Variants in C12orf42 observed in about 807,000 individuals in gnomAD.
The protein encoded by C12orf42 is uncharacterized protein C12orf42.
A neutral mutation model predicts 21.6 loss-of-function variants in C12orf42; 25 were observed. The observed-to-expected ratio is 1.16, with a 90% CI of 0.84 to 1.62. The LOEUF (loss-of-function observed/expected upper bound fraction) is 1.62. C12orf42 is among the 40% of genes most tolerant of loss of function. C12orf42 has a pLI of 0.00. For missense variants in C12orf42, 483 were observed against 459.3 expected (o/e 1.05, Z -0.47); for synonymous variants, 174 against 175.0 (o/e 0.99, Z 0.05).
chr12:103,371,432 TTAAC>T (rs2137961633), intron 3 of C12orf42, among the ~76,000 whole-genome samples: 1 of 152,246 alleles, frequency 6.6e-6, no homozygotes, highest in South Asian at 2.1e-4. Flanking sequence ...GCATGGGAGA[TTAAC>T]TAAGGAAGGG....
At chr12:103,069,981 T>C in the C12orf42 span, among the ~76,000 whole-genome samples, 59 of 152,308 alleles carry the variant, frequency 3.9e-4, no homozygotes, top group South Asian at 2.5e-3. Context: ...TCCCTGATCC[T>C]AGCAGGTAGC....
chr12:103,278,808 C>T (rs1362536337), intron 4 of C12orf42, among the ~76,000 whole-genome samples: 2 of 152,236 alleles, frequency 1.3e-5, no homozygotes, highest in African/African-American at 2.4e-5. Flanking sequence ...AATCCAATGG[C>T]TTCTCTCAGT....
chr12:103,231,036 CAT>C, the C12orf42 span, among the ~76,000 whole-genome samples: 16 of 152,128 alleles, frequency 1.1e-4, no homozygotes, highest in Non-Finnish European at 2.1e-4. Flanking sequence ...ATACCTATGA[CAT>C]ATTTAGAAGC....
the C12orf42 span, among the ~76,000 whole-genome samples, chr12:103,183,520 C>T: frequency 6.6e-6 from 1 of 151,970 alleles, no homozygotes; most frequent in Non-Finnish European, 1.5e-5. Context: ...GAATAACCAG[C>T]TTTTGGTTTC....
At chr12:103,481,257 A>G (rs961133312) in intron 1 of C12orf42, among the ~76,000 whole-genome samples, 1 of 151,936 alleles carries the variant, frequency 6.6e-6, no homozygotes, top group African/African-American at 2.4e-5. Context: ...AAAATAAAAC[A>G]TGGGTTTATG....
chr12:103,457,782 G>T (rs1310051679), intron 2 of C12orf42, among the ~76,000 whole-genome samples: 1 of 152,110 alleles, frequency 6.6e-6, no homozygotes, highest in Non-Finnish European at 1.5e-5. Context: ...CTCCTGGCAG[G>T]GGGTGGGGGG....
chr12:103,459,796 C>CTG (rs1952566324), intron 2 of C12orf42, among the ~76,000 whole-genome samples: 1 of 152,210 alleles, frequency 6.6e-6, no homozygotes, highest in Non-Finnish European at 1.5e-5. Context: ...GTGAAGCACA[C>CTG]TGTGTAGACA....
At chr12:103,278,613 C>T (rs2035918579) in intron 4 of C12orf42, among the ~76,000 whole-genome samples, 1 of 152,224 alleles carries the variant, frequency 6.6e-6, no homozygotes, top group Non-Finnish European at 1.5e-5. Context: ...TGAGTGGTCT[C>T]ATCACCCCTT....
chr12:103,112,137 C>A, the C12orf42 span, among the ~76,000 whole-genome samples: 10 of 152,240 alleles, frequency 6.6e-5, no homozygotes, highest in Admixed American at 1.3e-4. Flanking sequence ...TGTGCAAAAA[C>A]CAGTGAAGCG....
the C12orf42 span, among the ~76,000 whole-genome samples, chr12:103,070,167 G>A: frequency 1.1e-4 from 17 of 152,216 alleles, no homozygotes; most frequent in South Asian, 8.3e-4. Context: ...AATATGACAC[G>A]TCTGAAGTGA....
intron 1 of C12orf42, among the ~76,000 whole-genome samples, chr12:103,483,042 A>C (rs1323090652): frequency 3.9e-5 from 6 of 152,210 alleles, no homozygotes; most frequent in African/African-American, 9.6e-5. Context: ...AATTTCATAT[A>C]ATATCAAAAA....
At chr12:103,323,446 A>G (rs6539068) in intron 4 of C12orf42, among the ~76,000 whole-genome samples, 6,895 of 152,302 alleles carry the variant, frequency 0.045, 508 homozygotes, top group African/African-American at 0.15. Flanking sequence ...CAGTGTAGCT[A>G]TGTCTACACA....
the C12orf42 span, among the ~76,000 whole-genome samples, chr12:103,126,253 T>C: frequency 6.6e-6 from 1 of 152,178 alleles, no homozygotes; most frequent in Non-Finnish European, 1.5e-5. Context: ...CATGGTTGTT[T>C]TATTGAAAGC....
At chr12:103,237,279 G>A (rs1392448467), downstream of C12orf42, among the ~76,000 whole-genome samples, 1 of 152,130 alleles carries the variant, frequency 6.6e-6, no homozygotes, top group Non-Finnish European at 1.5e-5. Flanking sequence ...GTGTGGCATT[G>A]TTGGGGAGAT....
the C12orf42 span, among the ~76,000 whole-genome samples, chr12:103,222,480 T>C: frequency 6.6e-6 from 1 of 152,178 alleles, no homozygotes; most frequent in Non-Finnish European, 1.5e-5. Flanking sequence ...ACTTCTTTTG[T>C]GATTCTTCAG....
chr12:103,563,464 C>T, the C12orf42 span, among the ~76,000 whole-genome samples: 6 of 152,182 alleles, frequency 3.9e-5, no homozygotes, highest in African/African-American at 1.4e-4. Context: ...CACTGCATAA[C>T]AAATATGTCT....
chr12:103,073,373 C>A, the C12orf42 span, among the ~76,000 whole-genome samples: 74 of 152,204 alleles, frequency 4.9e-4, no homozygotes, highest in South Asian at 0.015. Context: ...AAAATGCTCC[C>A]TCAGTGGCCA....
the C12orf42 span, among the ~76,000 whole-genome samples, chr12:103,189,111 A>G: frequency 6.6e-6 from 1 of 152,240 alleles, no homozygotes; most frequent in Non-Finnish European, 1.5e-5. Context: ...CAAATATCAA[A>G]AGAAAAATTA....
chr12:103,160,299 T>C, the C12orf42 span, among the ~76,000 whole-genome samples: 22 of 152,296 alleles, frequency 1.4e-4, no homozygotes, highest in African/African-American at 5.3e-4. Context: ...TGAGCAAAAC[T>C]ACCAAGTGCT....
Sources: allele counts gnomAD v4.1 joint callset (sites outside exome capture counted in the v4.1 genomes callset), GRCh38; gene constraint gnomAD v4.1.1; transcripts MANE v1.5; gene names NCBI Gene and HGNC (gene_info 2026-07-23, HGNC 2026-07-21).